HDAC9: variants seen among roughly 807,000 people sequenced by gnomAD.
The protein encoded by HDAC9 is histone deacetylase 9.
In HDAC9, 41 loss-of-function variants were observed where a neutral mutation model predicts 139.4. That is an observed-to-expected ratio of 0.29 (90% CI 0.23 to 0.38). HDAC9 has a LOEUF of 0.38. Ranked by LOEUF, HDAC9 falls within the 10% of genes least tolerant of loss-of-function variation. The pLI is 1.00. For missense variants in HDAC9, 1,147 were observed against 1,297.0 expected, an observed-to-expected ratio of 0.88 and a Z score of 1.78; for synonymous variants, 517 against 476.2, an observed-to-expected ratio of 1.09 and a Z score of -1.12.
chr7:18,913,986 T>C (rs1166202128), intron 22 of HDAC9, among the ~76,000 whole-genome samples: 2 of 151,998 alleles, frequency 1.3e-5, no homozygotes, highest in Non-Finnish European at 2.9e-5. Flanking sequence ...TCAAAATTGA[T>C]ATGTTAAAAC....
At chr7:18,623,090 G>A (rs1840672844) in intron 6 of HDAC9, among the ~76,000 whole-genome samples, 1 of 151,674 alleles carries the variant, frequency 6.6e-6, no homozygotes, top group Non-Finnish European at 1.5e-5. Flanking sequence ...GCTGTAGTGA[G>A]CTGAGATCAT....
rs557649208 is a variant in HDAC9, at chr7:18,370,604, A to G, written c.-42+80089A>G. 9.6e-4 allele frequency among the ~76,000 whole-genome samples: 146 copies of G among 152,298 alleles called. 1 individual carries two copies. Among genetic ancestry groups the G allele is most frequent in the African/African-American group, 3.4e-3 (143 of 41,576 alleles). On this transcript the variant is annotated intron_variant, in intron 1 of 3. Coordinates refer to the HDAC9 transcript ENST00000413509. ...GTCTGTAAATCATAAGTGTGAGGCAATTGGATCATTGTGCTCTGTAAGGAG... is the reference window on the plus strand; with the variant it reads ...GTCTGTAAATCATAAGTGTGAGGCAGTTGGATCATTGTGCTCTGTAAGGAG...
chr7:18,528,220 C>T (rs544409321), intron 2 of HDAC9, among the ~76,000 whole-genome samples: 7 of 149,140 alleles, frequency 4.7e-5, no homozygotes, highest in Admixed American at 2.0e-4. Context: ...TTGGGGAGGT[C>T]GAGGGTGCTT....
chr7:18,089,941 A>G (rs1389880103), intron 1 of HDAC9, among the ~76,000 whole-genome samples: 1 of 151,960 alleles, frequency 6.6e-6, no homozygotes, highest in African/African-American at 2.4e-5. Flanking sequence ...GTTTTAAAAT[A>G]CAATTTGTAT....
intron 21 of HDAC9, among the ~76,000 whole-genome samples, chr7:18,863,485 T>A (rs982375709): frequency 6.6e-6 from 1 of 152,174 alleles, no homozygotes; most frequent in Non-Finnish European, 1.5e-5. Context: ...TTAGTGTCAG[T>A]GTATTTTATG....
intron 25 of HDAC9, among the ~76,000 whole-genome samples, chr7:18,991,653 AAAG>A (rs1288561719): frequency 5.4e-4 from 82 of 152,140 alleles, no homozygotes; most frequent in Non-Finnish European, 1.0e-3. Flanking sequence ...AAAAAAAAAA[AAAG>A]AAGTCATCAG....
At chr7:18,719,862 T>C (rs545088105) in intron 12 of HDAC9, among the ~76,000 whole-genome samples, 3 of 152,342 alleles carry the variant, frequency 2.0e-5, no homozygotes, top group African/African-American at 4.8e-5. Flanking sequence ...CTGTTCTATT[T>C]GTTACAAAGT....
intron 1 of HDAC9, among the ~76,000 whole-genome samples, chr7:18,353,524 G>A (rs112560538): frequency 9.9e-5 from 15 of 152,244 alleles, no homozygotes; most frequent in African/African-American, 3.4e-4. Flanking sequence ...TATTAATGCC[G>A]ATTCTTGCTG....
chr7:18,748,145 A>G (rs766673735), intron 13 of HDAC9, among the ~76,000 whole-genome samples: 1 of 152,328 alleles, frequency 6.6e-6, no homozygotes, highest in South Asian at 2.1e-4. Flanking sequence ...TCTTCTTTAA[A>G]TGAGCCAGAG....
intron 24 of HDAC9, among the ~76,000 whole-genome samples, chr7:18,959,937 A>G (rs190819049): frequency 1.3e-5 from 2 of 152,210 alleles, no homozygotes; most frequent in East Asian, 3.9e-4. Context: ...TGTGTTTTAC[A>G]TAAATACAGG....
At chr7:18,367,657 A>C (rs1469549014) in intron 1 of HDAC9, among the ~76,000 whole-genome samples, 1 of 151,986 alleles carries the variant, frequency 6.6e-6, no homozygotes. Flanking sequence ...ATGCTTGTGC[A>C]TGTTTTCTGG....
intron 23 of HDAC9, among the ~76,000 whole-genome samples, chr7:18,937,285 G>T (rs1010977135): frequency 1.3e-5 from 2 of 151,890 alleles, no homozygotes; most frequent in African/African-American, 4.8e-5. Context: ...TGATCTGCCC[G>T]CCTCGGCCTC....
At chr7:18,251,068 G>A (rs949933244) in intron 2 of HDAC9, among the ~76,000 whole-genome samples, 2 of 152,124 alleles carry the variant, frequency 1.3e-5, no homozygotes, top group Non-Finnish European at 1.5e-5. Context: ...TATGGTCATT[G>A]CAGCACTATT....
chr7:18,916,099 C>A (rs1209489342), intron 22 of HDAC9, among the ~76,000 whole-genome samples: 1 of 151,146 alleles, frequency 6.6e-6, no homozygotes, highest in Non-Finnish European at 1.5e-5. Context: ...TTTGGCTGTT[C>A]TTGCATTTTC....
At chr7:18,784,566 A>G (rs1448250951) in intron 16 of HDAC9, among the ~76,000 whole-genome samples, 2 of 152,176 alleles carry the variant, frequency 1.3e-5, no homozygotes, top group East Asian at 3.9e-4. Context: ...TTGCAGAAGC[A>G]CAGAGACTTC....
chr7:18,157,190 A>C (rs187300114), intron 1 of HDAC9, among the ~76,000 whole-genome samples: 1 of 152,340 alleles, frequency 6.6e-6, no homozygotes, highest in East Asian at 1.9e-4. Flanking sequence ...GTGCAGGAAT[A>C]GTCAGGACTC....
chr7:18,981,957 G>A (rs538449425), intron 25 of HDAC9, among the ~76,000 whole-genome samples: 41 of 151,724 alleles, frequency 2.7e-4, no homozygotes, highest in Middle Eastern at 3.4e-3. Flanking sequence ...GAAAAAAAAA[G>A]CAAAACAAAA....
intron 12 of HDAC9, among the ~76,000 whole-genome samples, chr7:18,681,943 A>AT (rs1781919433): frequency 6.6e-6 from 1 of 152,000 alleles, no homozygotes. Context: ...GTAGATTGGG[A>AT]TTTTTTAAGC....
Position 18,391,145 on chromosome 7 carries a change from G to A in HDAC9, c.-42+100630G>A, listed in dbSNP as rs191484052. On this transcript the variant is annotated intron_variant, in intron 1 of 3. Coordinates refer to the HDAC9 transcript ENST00000413509. Reference sequence around the variant, plus strand: ...CATGCCTGTAATCCTAGCACTTTGGGAGGCTGAGGTGAGCAGATCACCTGA... The same window carrying A: ...CATGCCTGTAATCCTAGCACTTTGGAAGGCTGAGGTGAGCAGATCACCTGA... Among the ~76,000 whole-genome samples the A allele has an allele frequency of 4.3e-3, 662 of 152,222 alleles. 5 individuals carry two copies. Among genetic ancestry groups the A allele is most frequent in the African/African-American group, 0.015 (636 of 41,552 alleles).
Sources: allele counts gnomAD v4.1 joint callset (sites outside exome capture counted in the v4.1 genomes callset), GRCh38; gene constraint gnomAD v4.1.1; transcripts MANE v1.5; gene names NCBI Gene and HGNC (gene_info 2026-07-23, HGNC 2026-07-21).